Variants in ZSCAN25 observed in about 807,000 individuals in gnomAD.
The protein encoded by ZSCAN25 is zinc finger and SCAN domain-containing protein 25.
Under a neutral mutation model 38.7 loss-of-function variants are expected in ZSCAN25, and 27 were observed. That is an observed-to-expected ratio of 0.70 (90% confidence interval 0.51 to 0.96). The LOEUF is 0.96. Among genes scored for constraint, ZSCAN25 ranks in the 40% least tolerant of loss-of-function variants. The pLI is 0.00. For synonymous variants in ZSCAN25, 273 were observed against 277.7 expected (o/e 0.98, Z 0.17); for missense variants, 637 against 705.9 (o/e 0.90, Z 1.11).
At chr7:99,678,013 G>T in the ZSCAN25 span, among the ~76,000 whole-genome samples, 1 of 152,202 alleles carries the variant, frequency 6.6e-6, no homozygotes, top group Admixed American at 6.5e-5. Context: ...TGCAGCCTTT[G>T]GGTCCAGTGA....
the ZSCAN25 span, among the ~76,000 whole-genome samples, chr7:99,734,512 T>C: frequency 6.6e-6 from 1 of 152,206 alleles, no homozygotes; most frequent in Admixed American, 6.5e-5. Flanking sequence ...ATGGGGGAGA[T>C]GCTTATTTAT....
At chr7:99,735,601 T>C in the ZSCAN25 span, among the ~76,000 whole-genome samples, 1 of 152,160 alleles carries the variant, frequency 6.6e-6, no homozygotes, top group Non-Finnish European at 1.5e-5. Context: ...ACACATCCTT[T>C]CATACCCAGC....
the ZSCAN25 span, chr7:99,717,344 G>T: frequency 1.2e-6 from 2 of 1,608,500 alleles, no homozygotes; most frequent in Non-Finnish European, 1.7e-6. Context: ...GCCTGGCATG[G>T]AACAATAAGT....
At chr7:99,658,594 CG>C in the ZSCAN25 span, among the ~76,000 whole-genome samples, 1 of 152,020 alleles carries the variant, frequency 6.6e-6, no homozygotes, top group Non-Finnish European at 1.5e-5. Context: ...ATCTTTGTGG[CG>C]TTCTCTGTAT....
rs930360031 is a variant in ZSCAN25 at position 99,629,109 on chromosome 7, G to C, written c.806-82G>C. The C allele has an allele frequency of 1.3e-6, 2 of 1,500,544 alleles. No individual in the cohort carries two copies. The highest frequency in any genetic ancestry group is 1.4e-5 in the African/African-American group (1 of 71,304). 93.0% of individuals were successfully genotyped at this position (1,500,544 alleles called of 1,614,324 possible). A position where few individuals can be genotyped will look rare whatever the true frequency, so the allele number is the denominator to read the frequency against. On this transcript the variant is annotated intron_variant, in intron 7 of 7. Coordinates refer to ENST00000394152, the MANE Select transcript of ZSCAN25 (RefSeq NM_145115.3). The surrounding 1 kb of genome is among the most constrained non-coding windows in gnomAD (Gnocchi z 5.6). ...GAAAAAAGAGAAGGAACCATGAATGGGACCCCTGTGAAGCAGAGTTCTAAC... is the reference window on the plus strand; with the variant it reads ...GAAAAAAGAGAAGGAACCATGAATGCGACCCCTGTGAAGCAGAGTTCTAAC...
chr7:99,618,814 C>T (rs1477505262), intron 2 of ZSCAN25, among the ~76,000 whole-genome samples, 163 bp downstream of exon 2: 1 of 152,166 alleles, frequency 6.6e-6, no homozygotes, highest in Non-Finnish European at 1.5e-5. Flanking sequence ...TTCTGTCTGC[C>T]TCTGCCACCT....
chr7:99,652,981 A>G, the ZSCAN25 span, among the ~76,000 whole-genome samples: 2 of 152,176 alleles, frequency 1.3e-5, no homozygotes, highest in Non-Finnish European at 2.9e-5. Flanking sequence ...GGAGTTATGA[A>G]TGTAGGAGAT....
chr7:99,708,071 G>T, the ZSCAN25 span: 1 of 1,543,418 alleles, frequency 6.5e-7, no homozygotes, highest in Non-Finnish European at 8.9e-7. Context: ...CCCTCTACTA[G>T]CAGTACACAG....
At chr7:99,687,399 A>G in the ZSCAN25 span, among the ~76,000 whole-genome samples, 3 of 152,250 alleles carry the variant, frequency 2.0e-5, no homozygotes, top group Non-Finnish European at 4.4e-5. Flanking sequence ...AGCTGATGCG[A>G]TCAACTGGAA....
chr7:99,621,675 C>A (rs547130748), intron 5 of ZSCAN25, 101 bp downstream of exon 5: 5 of 1,013,446 alleles, frequency 4.9e-6, no homozygotes, highest in Non-Finnish European at 5.2e-6. Context: ...AAGTTACCCA[C>A]GAGGTGTAAT....
chr7:99,627,129 A>T (rs1342604770), intron 7 of ZSCAN25, among the ~76,000 whole-genome samples: 2 of 152,194 alleles, frequency 1.3e-5, no homozygotes, highest in Non-Finnish European at 2.9e-5. Context: ...TAGCTGTATA[A>T]TGTGTGTTTT....
chr7:99,625,767 C>A (rs1807415751), intron 7 of ZSCAN25, among the ~76,000 whole-genome samples: 1 of 152,174 alleles, frequency 6.6e-6, no homozygotes, highest in African/African-American at 2.4e-5. Flanking sequence ...CTGGCCATTT[C>A]TGACTGTTCT....
chr7:99,714,671 A>G, the ZSCAN25 span: 1 of 1,610,394 alleles, frequency 6.2e-7, no homozygotes, highest in Non-Finnish European at 8.5e-7. Flanking sequence ...GGGGTAAGGA[A>G]TGGAAAGACT....
Position 99,631,565 on chromosome 7 carries a change from G to T in ZSCAN25, c.*1545G>T, listed in dbSNP as rs778574735. On this transcript the variant is annotated 3_prime_UTR_variant, in exon 8 of 8. Coordinates refer to ENST00000394152, the MANE Select transcript of ZSCAN25 (RefSeq NM_145115.3). ...CCTTTGTTGATAGTGTCCTATAATTGCAAAATGTGGTTTGTCTTCTGATGC... is the reference window on the plus strand; with the variant it reads ...CCTTTGTTGATAGTGTCCTATAATTTCAAAATGTGGTTTGTCTTCTGATGC... 20 of 985,288 alleles carry T rather than the reference G, an allele frequency of 2.0e-5. No homozygotes were observed. Among genetic ancestry groups the T allele is most frequent in the Non-Finnish European group, 2.4e-5 (20 of 829,888 alleles). The allele number at this position is 985,288 out of a possible 1,614,324, so 61.0% of individuals were successfully genotyped here.
chr7:99,667,543 C>T, the ZSCAN25 span, among the ~76,000 whole-genome samples: 1 of 152,080 alleles, frequency 6.6e-6, no homozygotes, highest in African/African-American at 2.4e-5. Flanking sequence ...GTAGGTAATA[C>T]TTAAAGACTA....
At chr7:99,652,392 T>C in the ZSCAN25 span, 4 of 550,820 alleles carry the variant, frequency 7.3e-6, no homozygotes, top group East Asian at 1.2e-4. Flanking sequence ...TTTTTTCTAG[T>C]CTGTGGTTTG....
Position 99,629,648 on chromosome 7 carries a change from C to G in ZSCAN25, c.1263C>G (p.His421Gln), listed in dbSNP as rs1807815467. The change falls in exon 8 of 8, where the codon CAC becomes CAG. Residue 421 changes from histidine (H) to glutamine (Q), a missense_variant. Physicochemically the swap from His to Gln is conservative, Grantham distance 24. Coordinates refer to ENST00000394152, the MANE Select transcript of ZSCAN25 (RefSeq NM_145115.3). This position sits in a 1 kb window ranked among gnomAD's most constrained non-coding sequence, Gnocchi z 5.6. ...GCCAGAGACACCACCTGGAGGTGCA[C>G]CAGCGCAGCCACACTGGGGAGAAGC... ...TFSQRHHLEV[H>Q]QRSHTGEKPY... 6.2e-7 allele frequency: 1 copy of G among 1,613,978 alleles called. No homozygotes were observed. The highest frequency in any genetic ancestry group is 8.5e-7 in the Non-Finnish European group (1 of 1,180,044).
At chr7:99,623,350 C>G (rs1031431311) in intron 6 of ZSCAN25, among the ~76,000 whole-genome samples, 5 of 152,192 alleles carry the variant, frequency 3.3e-5, no homozygotes, top group African/African-American at 1.2e-4. Flanking sequence ...GGAGTTGGAC[C>G]TCGTTAACAT....
Position 99,619,993 on chromosome 7 carries a change from G to C in ZSCAN25, c.387G>C (p.Ala129=). 2.5e-6 allele frequency: 4 copies of C among 1,610,040 alleles called. No individual in the cohort carries two copies. The highest frequency in any genetic ancestry group is 1.1e-5 in the South Asian group (1 of 90,890). ...DLTERALEAK[A]VPCHRQGEQE... ...CAGAAAGAGCACTGGAGGCCAAGGCGGTGGGTGAGGAGGGGATCCAGGTCT... is the reference window on the plus strand; with the variant it reads ...CAGAAAGAGCACTGGAGGCCAAGGCCGTGGGTGAGGAGGGGATCCAGGTCT... The change falls in exon 4 of 8, where the codon GCG becomes GCC. Residue 129 remains alanine, a splice_region_variant and synonymous_variant. Coordinates refer to ENST00000394152, the MANE Select transcript of ZSCAN25 (RefSeq NM_145115.3).
Sources: gnomAD v4.1 joint callset for allele counts (sites outside exome capture counted in the v4.1 genomes callset) on GRCh38, gnomAD v4.1.1 for gene constraint, Gnocchi (gnomAD v3.1) non-coding constraint, MANE v1.5 for transcripts, NCBI Gene and HGNC (gene_info 2026-07-23, HGNC 2026-07-21) for gene names.